Variants in ADGRL2 observed in about 807,000 individuals in gnomAD.
The protein encoded by ADGRL2 is adhesion G protein-coupled receptor L2, also known as calcium-independent alpha-latrotoxin receptor 2.
Under a neutral mutation model 157.4 loss-of-function variants are expected in ADGRL2, and 44 were observed. The ratio of observed to expected loss-of-function variants is 0.28; its 90% confidence interval spans 0.22 to 0.36. The LOEUF (loss-of-function observed/expected upper bound fraction) is 0.36, where lower values mean the gene tolerates loss of function less well. Among genes scored for constraint, ADGRL2 ranks in the 10% least tolerant of loss-of-function variants. ADGRL2 has a pLI of 1.00. For missense variants in ADGRL2, 1,510 were observed against 1,768.9 expected (o/e 0.85, Z 2.63); for synonymous variants, 585 against 624.7 (o/e 0.94, Z 0.95).
At chr1:81,873,140 C>G (rs900851992) in intron 2 of ADGRL2, among the ~76,000 whole-genome samples, 1 of 151,898 alleles carries the variant, frequency 6.6e-6, no homozygotes, top group Non-Finnish European at 1.5e-5. Context: ...TGGTATAGAC[C>G]ACCTGCTGTT....
chr1:81,933,323 G>A (rs963477709), intron 3 of ADGRL2, among the ~76,000 whole-genome samples: 1 of 152,054 alleles, frequency 6.6e-6, no homozygotes, highest in Non-Finnish European at 1.5e-5. Flanking sequence ...GGTTATTAAC[G>A]TAATAAACCC....
intron 3 of ADGRL2, among the ~76,000 whole-genome samples, chr1:81,586,853 T>C (rs978226257): frequency 6.6e-6 from 1 of 152,118 alleles, no homozygotes; most frequent in Non-Finnish European, 1.5e-5. Context: ...GTCACCAAGC[T>C]AAAAGTTTAT....
chr1:81,674,417 G>A (rs2082940895), intron 3 of ADGRL2, among the ~76,000 whole-genome samples: 1 of 152,214 alleles, frequency 6.6e-6, no homozygotes. Context: ...GCATGGTGCT[G>A]TGGGAAGATC....
intron 1 of ADGRL2, among the ~76,000 whole-genome samples, chr1:81,325,672 T>C (rs1468354029): frequency 6.6e-6 from 1 of 152,226 alleles, no homozygotes; most frequent in East Asian, 1.9e-4. Context: ...ACTCTAAACT[T>C]GCCTCATGCA....
chr1:81,885,562 G>A (rs745864276), intron 2 of ADGRL2, among the ~76,000 whole-genome samples: 3 of 152,116 alleles, frequency 2.0e-5, no homozygotes, highest in African/African-American at 7.2e-5. Context: ...TTGTATCGTC[G>A]CATGGCCCTG....
In ADGRL2 at chr1:81,969,317, A is replaced by G. The variant is rs536275045; in HGVS notation, c.2663A>G (p.Lys888Arg). 5 of 1,614,042 alleles carry G rather than the reference A, an allele frequency of 3.1e-6. No individual in the cohort carries two copies. Among genetic ancestry groups the G allele is most frequent in the Admixed American group, 3.3e-5 (2 of 60,028 alleles). Residue 888 changes from lysine (K) to arginine (R), a missense_variant, in exon 15 of 24, where the codon AAG becomes AGG. Physicochemically the swap from Lys to Arg is conservative, Grantham distance 26. Transcript: ENST00000686636. ...GLQSDRNTIHKNLCINLFIAE... is the reference protein window; with the variant it reads ...GLQSDRNTIHRNLCINLFIAE... The stretch of plus-strand genomic sequence containing the variant: ...CAGAGTGACCGAAATACTATTCACA[A>G]GAACCTTTGTATCAACCTTTTCATT...
intron 2 of ADGRL2, among the ~76,000 whole-genome samples, chr1:81,878,444 A>G (rs999179300): frequency 3.3e-5 from 5 of 152,156 alleles, no homozygotes; most frequent in African/African-American, 1.2e-4. Context: ...TGAGTTGTAA[A>G]TAATTAATGA....
At chr1:81,677,056 G>A (rs180943279) in intron 3 of ADGRL2, among the ~76,000 whole-genome samples, 1 of 150,264 alleles carries the variant, frequency 6.7e-6, no homozygotes, top group East Asian at 2.0e-4. Context: ...GCACGATCTC[G>A]GCTCATCGCA....
intron 7 of ADGRL2, 90 bp downstream of exon 7, chr1:81,950,572 T>C: frequency 8.3e-7 from 1 of 1,210,330 alleles, no homozygotes; most frequent in Non-Finnish European, 1.2e-6. Context: ...AAGAAAGCGA[T>C]GTTTACAGTA....
At chr1:81,654,274 C>T (rs2082483554) in intron 3 of ADGRL2, among the ~76,000 whole-genome samples, 1 of 152,140 alleles carries the variant, frequency 6.6e-6, no homozygotes, top group South Asian at 2.1e-4. Context: ...CCTTTGTTTC[C>T]ATTAATGACA....
chr1:81,830,565 T>C (rs867023293), intron 1 of ADGRL2, among the ~76,000 whole-genome samples: 1 of 152,192 alleles, frequency 6.6e-6, no homozygotes. Context: ...TGGAGTGCAG[T>C]GGCCTCATCT....
intron 2 of ADGRL2, among the ~76,000 whole-genome samples, chr1:81,568,512 T>A (rs527248285): frequency 1.3e-5 from 2 of 152,266 alleles, no homozygotes; most frequent in East Asian, 3.9e-4. Flanking sequence ...AATTCGTGTA[T>A]ATACATGTGG....
chr1:81,308,121 A>G (rs952986149), intron 1 of ADGRL2, among the ~76,000 whole-genome samples: 2 of 152,222 alleles, frequency 1.3e-5, no homozygotes, highest in Non-Finnish European at 2.9e-5. Context: ...AAAGACCTTC[A>G]CAGTGAGAGA....
intron 3 of ADGRL2, among the ~76,000 whole-genome samples, chr1:81,633,217 A>G (rs1156345442): frequency 6.6e-6 from 1 of 152,186 alleles, no homozygotes. Context: ...TGGATAAGGT[A>G]ATCTCTCCTT....
intron 3 of ADGRL2, among the ~76,000 whole-genome samples, chr1:81,590,285 T>C (rs2081106218): frequency 6.6e-6 from 1 of 152,148 alleles, no homozygotes; most frequent in Non-Finnish European, 1.5e-5. Context: ...TCGCTCCTTA[T>C]TTTCTATCTC....
intron 1 of ADGRL2, among the ~76,000 whole-genome samples, chr1:81,737,244 G>A (rs2084931935): frequency 6.6e-6 from 1 of 152,154 alleles, no homozygotes; most frequent in South Asian, 2.1e-4. Flanking sequence ...TATTTATGAA[G>A]AAAAGAGGTT....
At chr1:81,827,399 C>T (rs945459423) in intron 1 of ADGRL2, among the ~76,000 whole-genome samples, 1 of 152,144 alleles carries the variant, frequency 6.6e-6, no homozygotes, top group Admixed American at 6.5e-5. Flanking sequence ...CAAACCTCAT[C>T]ACTTTTCATT....
intron 1 of ADGRL2, among the ~76,000 whole-genome samples, chr1:81,371,329 A>G (rs1398091055): frequency 6.6e-6 from 1 of 152,208 alleles, no homozygotes; most frequent in Non-Finnish European, 1.5e-5. Context: ...AGCATAAGGC[A>G]GAGAAACAAA....
At chr1:81,980,078 T>C (rs1661234739) in intron 18 of ADGRL2, 118 bp downstream of exon 18, 1 of 619,818 alleles carries the variant, frequency 1.6e-6, no homozygotes, top group African/African-American at 1.8e-5. Context: ...AATGAAGTTT[T>C]ACTGCCCTCA....
Sources: allele counts gnomAD v4.1 joint callset (sites outside exome capture counted in the v4.1 genomes callset), GRCh38; gene constraint gnomAD v4.1.1; transcripts MANE v1.5; gene names NCBI Gene and HGNC (gene_info 2026-07-23, HGNC 2026-07-21).